Variants in NAPEPLD observed in about 807,000 individuals in gnomAD.
NAPEPLD encodes the protein N-acyl phosphatidylethanolamine phospholipase D.
In NAPEPLD, 23 loss-of-function variants were observed where a neutral mutation model predicts 38.1. The observed-to-expected ratio is 0.60, with a 90% CI of 0.43 to 0.86. NAPEPLD has a LOEUF of 0.86. NAPEPLD is among the 40% of genes least tolerant of loss of function. NAPEPLD has a pLI of 0.00. For synonymous variants in NAPEPLD, 147 were observed against 162.0 expected, an observed-to-expected ratio of 0.91 and a Z score of 0.71; for missense variants, 411 against 476.8, an observed-to-expected ratio of 0.86 and a Z score of 1.28.
At chr7:103,106,597 A>G (rs985346802) in intron 4 of NAPEPLD, among the ~76,000 whole-genome samples, 4 of 152,090 alleles carry the variant, frequency 2.6e-5, no homozygotes, top group Non-Finnish European at 4.4e-5. Flanking sequence ...AAGCTTGAGT[A>G]GGCAGTTTTC....
At chr7:103,149,318 T>A (rs1813263393), upstream of NAPEPLD, 3 of 1,117,172 alleles carry the variant, frequency 2.7e-6, no homozygotes, top group South Asian at 5.5e-5. Context: ...CCGCCTCAGT[T>A]CCGCGGCTTC....
intron 1 of NAPEPLD, among the ~76,000 whole-genome samples, chr7:103,148,450 G>C (rs1044008175): frequency 1.0e-4 from 14 of 133,356 alleles, no homozygotes; most frequent in Admixed American, 2.9e-4. Flanking sequence ...TCGAGCTCTA[G>C]CTTGAAAAAA....
At chr7:103,132,764 G>A (rs944461349) in intron 1 of NAPEPLD, among the ~76,000 whole-genome samples, 4 of 152,064 alleles carry the variant, frequency 2.6e-5, no homozygotes, top group African/African-American at 7.2e-5. Context: ...CAGCCTGGGC[G>A]ACAGAGCGAG....
chr7:103,128,227 A>C, intron 2 of NAPEPLD: 1 of 454,448 alleles, frequency 2.2e-6, no homozygotes. Flanking sequence ...AGCCATCTCC[A>C]GCTCTTCCTG....
At chr7:103,104,136 G>A (rs1585814377) in intron 4 of NAPEPLD, among the ~76,000 whole-genome samples, 1 of 152,254 alleles carries the variant, frequency 6.6e-6, no homozygotes, top group Middle Eastern at 3.4e-3. Context: ...TGCTAAATGG[G>A]AGTCACCCTT....
At chr7:103,106,082 G>A (rs1232937001) in intron 4 of NAPEPLD, among the ~76,000 whole-genome samples, 3 of 152,138 alleles carry the variant, frequency 2.0e-5, no homozygotes, top group African/African-American at 7.2e-5. Flanking sequence ...AGTGGGTGCA[G>A]CCCACGGAGG....
intron 1 of NAPEPLD, among the ~76,000 whole-genome samples, chr7:103,136,868 A>G (rs113525729): frequency 0.012 from 1,832 of 152,336 alleles, 35 homozygotes; most frequent in African/African-American, 0.042. Context: ...TAGACAAAAA[A>G]TTATTTTGAC....
intron 1 of NAPEPLD, among the ~76,000 whole-genome samples, chr7:103,133,261 G>C (rs1233808991): frequency 6.6e-6 from 1 of 152,084 alleles, no homozygotes; most frequent in Non-Finnish European, 1.5e-5. Flanking sequence ...ATATCCTTGG[G>C]GTATGGGGAA....
intron 3 of NAPEPLD, among the ~76,000 whole-genome samples, chr7:103,117,879 A>T (rs1805875579): frequency 6.6e-6 from 1 of 152,212 alleles, no homozygotes. Flanking sequence ...AAGATGTTCT[A>T]ATCTATTAAG....
chr7:103,106,258 A>G (rs922189933), intron 4 of NAPEPLD, among the ~76,000 whole-genome samples: 2 of 152,082 alleles, frequency 1.3e-5, no homozygotes, highest in African/African-American at 4.8e-5. Flanking sequence ...GCAGACCAGG[A>G]GATTACCTCC....
chr7:103,104,961 AGCTATAACTT>A (rs1316675635), intron 4 of NAPEPLD, among the ~76,000 whole-genome samples: 7 of 152,178 alleles, frequency 4.6e-5, no homozygotes, highest in African/African-American at 1.7e-4. Context: ...TTATTTGCTA[AGCTATAACTT>A]TAGTGTGGAG....
rs377528789 is a variant in NAPEPLD, at chr7:103,113,642, TTTTC to T, written c.1056+1414_1056+1417del. Among the ~76,000 whole-genome samples, 336 of 37,030 alleles carry T rather than the reference TTTTC, an allele frequency of 9.1e-3. 9 individuals carry two copies. In the East Asian group the frequency reaches 0.14, roughly 15 times the overall value. The allele number at this position is 37,030 out of a possible 152,430, so 24.3% of individuals were successfully genotyped here. On this transcript the variant is annotated intron_variant, in intron 4 of 4. Coordinates refer to ENST00000465647, the MANE Select transcript of NAPEPLD (RefSeq NM_001122838.3). ...AGAGTCTCACTTTTTTTTTTTTTTTTTTTCTCAAGACAGAGTTTCGCTCTTTCAC... is the reference window on the plus strand; with the variant it reads ...AGAGTCTCACTTTTTTTTTTTTTTTTTCAAGACAGAGTTTCGCTCTTTCAC...
At chr7:103,116,645 T>G (rs955587594) in intron 3 of NAPEPLD, among the ~76,000 whole-genome samples, 2 of 152,208 alleles carry the variant, frequency 1.3e-5, no homozygotes, top group Non-Finnish European at 2.9e-5. Context: ...ATCATAAAAC[T>G]GAACAATGAG....
In NAPEPLD at chr7:103,113,967, C is replaced by T. The variant is rs566709222; in HGVS notation, c.1056+1093G>A. On this transcript the variant is annotated intron_variant, in intron 4 of 4. Coordinates refer to ENST00000465647, the MANE Select transcript of NAPEPLD (RefSeq NM_001122838.3). ...AGGCTGGAGTATAGTGGCACAATCT[C>T]GACTTACTGCAACCTCTACTTCCTG... Among the ~76,000 whole-genome samples the T allele has an allele frequency of 1.4e-4, 21 of 151,372 alleles. No homozygotes were observed. In the East Asian group the frequency reaches 2.1e-3, roughly 15 times the overall value.
At chr7:103,123,048 A>G (rs548640068) in intron 2 of NAPEPLD, among the ~76,000 whole-genome samples, 52 of 152,182 alleles carry the variant, frequency 3.4e-4, no homozygotes, top group Non-Finnish European at 6.8e-4. Flanking sequence ...TCCCACCTAC[A>G]TGGAGACTGC....
At chr7:103,128,365 C>T in intron 2 of NAPEPLD, 118 bp downstream of exon 2, 2 of 1,216,034 alleles carry the variant, frequency 1.6e-6, no homozygotes, top group South Asian at 1.5e-5. Context: ...CTAGGTTACA[C>T]CTATCCACTT....
At chr7:103,106,984 ACATCT>A (rs967733389) in intron 4 of NAPEPLD, among the ~76,000 whole-genome samples, 2 of 152,172 alleles carry the variant, frequency 1.3e-5, no homozygotes, top group African/African-American at 4.8e-5. Context: ...GGGCCGACAG[ACATCT>A]CATACAGGAG....
chr7:103,117,496 GA>G (rs1805801931), intron 3 of NAPEPLD, among the ~76,000 whole-genome samples: 1 of 152,156 alleles, frequency 6.6e-6, no homozygotes, highest in Non-Finnish European at 1.5e-5. Flanking sequence ...GACTTGGATA[GA>G]ATACCTGGTG....
intron 1 of NAPEPLD, among the ~76,000 whole-genome samples, chr7:103,132,906 T>G (rs987628940): frequency 2.6e-5 from 4 of 152,222 alleles, no homozygotes; most frequent in African/African-American, 9.6e-5. Flanking sequence ...CTCCATTTCC[T>G]CACCTCCCAT....
Sources: gnomAD v4.1 joint callset for allele counts (sites outside exome capture counted in the v4.1 genomes callset) on GRCh38, gnomAD v4.1.1 for gene constraint, MANE v1.5 for transcripts, NCBI Gene and HGNC (gene_info 2026-07-23, HGNC 2026-07-21) for gene names.